Variants in DTNBP1 observed in about 807,000 individuals in gnomAD.
DTNBP1 encodes dysbindin.
Under a neutral mutation model 42.8 loss-of-function variants are expected in DTNBP1, and 35 were observed. The ratio of observed to expected loss-of-function variants is 0.82; its 90% CI spans 0.63 to 1.09. The LOEUF (loss-of-function observed/expected upper bound fraction) is 1.09. DTNBP1 is among the 50% of genes least tolerant of loss of function. The probability of loss-of-function intolerance (pLI) is 0.00; values close to 1 mark genes in which losing one functional copy is unlikely to be tolerated. For synonymous variants in DTNBP1, 171 were observed against 162.2 expected, an observed-to-expected ratio of 1.05 and a Z score of -0.41; for missense variants, 457 against 424.2, an observed-to-expected ratio of 1.08 and a Z score of -0.68.
intron 3 of DTNBP1, among the ~76,000 whole-genome samples, chr6:15,642,401 A>G (rs1760421534): frequency 1.3e-5 from 2 of 152,144 alleles, no homozygotes; most frequent in African/African-American, 4.8e-5. Context: ...CCAAGACCTC[A>G]GCACACCCCA....
chr6:15,609,175 T>C (rs1758250815), intron 6 of DTNBP1, among the ~76,000 whole-genome samples: 1 of 152,012 alleles, frequency 6.6e-6, no homozygotes, highest in Non-Finnish European at 1.5e-5. Context: ...CTTCTTTTTT[T>C]TTTTTTAATA....
intron 6 of DTNBP1, among the ~76,000 whole-genome samples, chr6:15,608,521 C>T (rs1489163537): frequency 6.6e-6 from 1 of 152,156 alleles, no homozygotes; most frequent in African/African-American, 2.4e-5. Flanking sequence ...TCACCACCTC[C>T]CTAGAAATTC....
At chr6:15,652,696 T>G (rs952450221) in intron 1 of DTNBP1, among the ~76,000 whole-genome samples, 4 of 152,306 alleles carry the variant, frequency 2.6e-5, no homozygotes, top group Admixed American at 2.0e-4. Flanking sequence ...GGTGCGATTG[T>G]AGCTTACTGT....
rs148044976 is a variant in DTNBP1, at chr6:15,660,786, C to T, written c.56+2028G>A. On this transcript the variant is annotated intron_variant, in intron 1 of 9. Coordinates refer to ENST00000344537, the MANE Select transcript of DTNBP1 (RefSeq NM_032122.5). ...AATGCCTTCTTACAAAGGTCAGGAG[C>T]ATGAATGCTTCTGAGGCAACCATGT... 4.6e-3 allele frequency among the ~76,000 whole-genome samples: 704 copies of T among 152,254 alleles called. 6 individuals carry two copies. The highest frequency in any genetic ancestry group is 0.016 in the African/African-American group (649 of 41,544).
At chr6:15,585,094 T>C (rs1561975089) in intron 7 of DTNBP1, among the ~76,000 whole-genome samples, 3 of 67,434 alleles carry the variant, frequency 4.4e-5, no homozygotes, top group Non-Finnish European at 6.7e-5. Context: ...TATATATATA[T>C]ATATATATAT....
At chr6:15,612,735 T>C (rs1183137088) in intron 6 of DTNBP1, among the ~76,000 whole-genome samples, 1 of 152,194 alleles carries the variant, frequency 6.6e-6, no homozygotes, top group Non-Finnish European at 1.5e-5. Flanking sequence ...TAGGGTCACA[T>C]GACCTGTACC....
Position 15,627,360 on chromosome 6 carries a change from G to T in DTNBP1, c.338C>A (p.Ser113Tyr), listed in dbSNP as rs1759407465. The change falls in exon 5 of 10, where the codon TCC (serine) becomes TAC (tyrosine). Residue 113 changes from serine (S) to tyrosine (Y), a missense_variant. Coordinates refer to ENST00000344537, the MANE Select transcript of DTNBP1 (RefSeq NM_032122.5). ...QLPALIADLESMTANLTHLEA... is the reference protein window; with the variant it reads ...QLPALIADLEYMTANLTHLEA... ...GGACTTACTCAGATTTGCTGTCATG[G>T]ATTCTAAGTCTGCGATTAAAGCTGG... 3.1e-6 allele frequency: 5 copies of T among 1,613,054 alleles called. No homozygotes were observed. The highest frequency in any genetic ancestry group is 1.1e-5 in the South Asian group (1 of 91,066).
At chr6:15,581,478 G>GTT (rs68011795) in intron 7 of DTNBP1, among the ~76,000 whole-genome samples, 2,964 of 90,326 alleles carry the variant, frequency 0.033, 243 homozygotes, top group African/African-American at 0.079. Context: ...GCGCCCGACT[G>GTT]TTTTTTTTTT....
intron 7 of DTNBP1, among the ~76,000 whole-genome samples, chr6:15,548,780 T>C (rs1774039503): frequency 6.6e-6 from 1 of 152,144 alleles, no homozygotes; most frequent in Non-Finnish European, 1.5e-5. Flanking sequence ...TCAGCACATC[T>C]AAACATAAGG....
At chr6:15,643,190 AAGAAT>A (rs1187023966) in intron 3 of DTNBP1, among the ~76,000 whole-genome samples, 1 of 152,230 alleles carries the variant, frequency 6.6e-6, no homozygotes, top group African/African-American at 2.4e-5. Context: ...GACAAAGCAG[AAGAAT>A]TACAGAGCTT....
rs566478400 is a variant in DTNBP1, at chr6:15,639,578, T to A, written c.162-1774A>T. ...GTGGAAGGTCACACAAATAATACAGTCCTGCTGTCATTGTTGACTAACAGA... is the reference window on the plus strand; with the variant it reads ...GTGGAAGGTCACACAAATAATACAGACCTGCTGTCATTGTTGACTAACAGA... On this transcript the variant is annotated intron_variant, in intron 3 of 9. Coordinates refer to ENST00000344537, the MANE Select transcript of DTNBP1 (RefSeq NM_032122.5). Among the ~76,000 whole-genome samples, 20 of 152,326 alleles carry A rather than the reference T, an allele frequency of 1.3e-4. No individual in the cohort carries two copies. The South Asian group carries it at 2.1e-3, about 16-fold the overall frequency.
intron 4 of DTNBP1, among the ~76,000 whole-genome samples, chr6:15,636,667 C>A (rs1367498840): frequency 6.6e-6 from 1 of 152,158 alleles, no homozygotes; most frequent in African/African-American, 2.4e-5. Context: ...GATGTAGCCA[C>A]CTCAAAGTCC....
intron 7 of DTNBP1, chr6:15,545,965 C>A: frequency 2.4e-6 from 1 of 416,088 alleles, no homozygotes. Context: ...GGTCTCAGCA[C>A]ACCACTCACC....
chr6:15,552,578 AG>A (rs1349711685), intron 7 of DTNBP1, among the ~76,000 whole-genome samples: 1 of 152,226 alleles, frequency 6.6e-6, no homozygotes, highest in African/African-American at 2.4e-5. Flanking sequence ...GCTTGAGGCC[AG>A]GGGTTCAAGA....
intron 6 of DTNBP1, among the ~76,000 whole-genome samples, chr6:15,612,177 T>C (rs1304636115): frequency 6.6e-6 from 1 of 152,202 alleles, no homozygotes; most frequent in Non-Finnish European, 1.5e-5. Context: ...TCAGCAGCCA[T>C]TACCATAGAG....
chr6:15,631,419 A>G (rs956353172), intron 4 of DTNBP1, among the ~76,000 whole-genome samples: 1 of 152,180 alleles, frequency 6.6e-6, no homozygotes, highest in African/African-American at 2.4e-5. Context: ...TGCTTCTAAT[A>G]ATCAAAAGAA....
chr6:15,600,374 C>G (rs891818987), intron 6 of DTNBP1, among the ~76,000 whole-genome samples: 1 of 152,180 alleles, frequency 6.6e-6, no homozygotes, highest in East Asian at 1.9e-4. Flanking sequence ...TACACCTACT[C>G]AAATGGTCAT....
chr6:15,646,668 GACAC>G lies in DTNBP1; in HGVS notation c.161+4641_161+4644del, dbSNP rs1341169170. Among the ~76,000 whole-genome samples the G allele has an allele frequency of 3.3e-5, 5 of 152,048 alleles. No individual in the cohort carries two copies. The East Asian group carries it at 9.7e-4, about 29-fold the overall frequency. ...ACATCATAGTACTAGTATAAAAATAGACACACAGATCAATGGAACAGGATAGAGA... is the reference window on the plus strand; with the variant it reads ...ACATCATAGTACTAGTATAAAAATAGACAGATCAATGGAACAGGATAGAGA... On this transcript the variant is annotated intron_variant, in intron 3 of 9. Coordinates refer to ENST00000344537, the MANE Select transcript of DTNBP1 (RefSeq NM_032122.5).
At chr6:15,559,236 ATCC>A (rs1225855570) in intron 7 of DTNBP1, among the ~76,000 whole-genome samples, 1 of 152,224 alleles carries the variant, frequency 6.6e-6, no homozygotes, top group Non-Finnish European at 1.5e-5. Flanking sequence ...GTCAAGGCTG[ATCC>A]TCTTACAACT....
Sources: allele counts gnomAD v4.1 joint callset (sites outside exome capture counted in the v4.1 genomes callset), GRCh38; gene constraint gnomAD v4.1.1; transcripts MANE v1.5; gene names NCBI Gene and HGNC (gene_info 2026-07-23, HGNC 2026-07-21).